Variants in UBR4 observed in about 807,000 individuals in gnomAD.
UBR4 encodes ubiquitin protein ligase E3 component n-recognin 4, also known as E3 ubiquitin-protein ligase UBR4.
Under a neutral mutation model 575.6 loss-of-function variants are expected in UBR4, and 124 were observed. The ratio of observed to expected loss-of-function variants is 0.22; its 90% CI spans 0.19 to 0.25. UBR4 has a LOEUF of 0.25. Among genes scored for constraint, UBR4 ranks in the 10% least tolerant of loss-of-function variants. UBR4 has a pLI of 1.00. For missense variants in UBR4, 4,818 were observed against 6,478.8 expected (o/e 0.74, Z 8.80); for synonymous variants, 2,455 against 2,473.7 (o/e 0.99, Z 0.22).
chr1:19,160,566 C>T (rs949240025), intron 38 of UBR4, among the ~76,000 whole-genome samples: 1 of 152,104 alleles, frequency 6.6e-6, no homozygotes, highest in African/African-American at 2.4e-5. Flanking sequence ...TTCTCTCTTA[C>T]GTTTCTAGAA....
At chr1:19,115,192 T>C (rs1211500794) in intron 74 of UBR4, among the ~76,000 whole-genome samples, 2 of 70,742 alleles carry the variant, frequency 2.8e-5, no homozygotes, top group East Asian at 1.8e-3. Flanking sequence ...CACACTCGTG[T>C]GCACATGCAC....
chr1:19,129,053 C>A lies in UBR4; in HGVS notation c.8928G>T (p.Met2976Ile), dbSNP rs1348469622. 1.9e-6 allele frequency: 3 copies of A among 1,613,922 alleles called. No homozygotes were observed. The African/African-American group carries it at 4.0e-5, about 22-fold the overall frequency. ...TSNRLHMVRL[M>I]LLERLLQTLP... ...GGGTCTGCAGTAATCTCTCCAACAG[C>A]ATTAGACGGACCATGTGCAGCCTAA... Residue 2976 changes from methionine to isoleucine, a missense_variant, in exon 61 of 106, where the codon ATG becomes ATT. Met to Ile is a conservative substitution (Grantham distance 10). This residue lies in a region of UBR4 where 87 missense variants were observed against 82.8 expected (regional missense o/e 1.05). Transcript: ENST00000375254.
At position 19,114,074 on chromosome 1, in the gene UBR4, G is replaced by A; in HGVS notation, c.11203-4C>T. The A allele has an allele frequency of 1.9e-6, 3 of 1,608,864 alleles. No individual in the cohort carries two copies. The highest frequency in any genetic ancestry group is 1.3e-5 in the African/African-American group (1 of 74,978). ...GTGTATTGATGTTGGATACAGCCTAGACAGGAAAAGACAGGGACTGAGTGA... is the reference window on the plus strand; with the variant it reads ...GTGTATTGATGTTGGATACAGCCTAAACAGGAAAAGACAGGGACTGAGTGA... On this transcript the variant is annotated splice_polypyrimidine_tract_variant and splice_region_variant and intron_variant, in intron 75 of 105. Coordinates refer to ENST00000375254, the MANE Select transcript of UBR4 (RefSeq NM_020765.3).
At chr1:19,149,853 C>A in intron 49 of UBR4, 1 of 1,266,300 alleles carries the variant, frequency 7.9e-7, no homozygotes, top group African/African-American at 1.6e-5. Flanking sequence ...TCAGAGAAAC[C>A]CGGAAACACA....
At position 19,165,711 on chromosome 1, in the gene UBR4, T is replaced by A; in HGVS notation, c.4156A>T (p.Lys1386Ter). ...ILEECLQYLEKQLESSQARKA... is the reference protein window; with the variant it reads ...ILEECLQYLE ...CGAGCCTGGCTACTTTCCAGCTGCTTTTCCAAGTACTGGAGACATTCCTCC... is the reference window on the plus strand; with the variant it reads ...CGAGCCTGGCTACTTTCCAGCTGCTATTCCAAGTACTGGAGACATTCCTCC... Residue 1386 changes from lysine (K) to a stop codon, truncating the protein, a stop_gained, in exon 30 of 106, where the codon AAG becomes TAG. Coordinates refer to ENST00000375254, the MANE Select transcript of UBR4 (RefSeq NM_020765.3). LOFTEE classifies it high-confidence loss of function. The A allele has an allele frequency of 6.2e-7, 1 of 1,614,180 alleles. No individual in the cohort carries two copies. Among genetic ancestry groups the A allele is most frequent in the Non-Finnish European group, 8.5e-7 (1 of 1,180,014 alleles).
rs2091662132 is a variant in UBR4 at position 19,187,519 on chromosome 1, G to C, written c.1416C>G (p.Leu472=). ...TGGCATGGTTTGCCAATATTACTGA[G>C]AGTACCCCAAATCCCTGATGCCTAC... The part of the protein sequence containing the change: ...PGKGHQGFGV[L]SVILANHAIK... Residue 472 remains leucine, a synonymous_variant, in exon 12 of 106, where the codon CTC becomes CTG. Transcript: ENST00000375254. The C allele has an allele frequency of 6.2e-7, 1 of 1,613,756 alleles. No individual in the cohort carries two copies. The highest frequency in any genetic ancestry group is 8.5e-7 in the Non-Finnish European group (1 of 1,180,000).
In UBR4 at chr1:19,197,217, A is replaced by G. The variant is rs778719658; in HGVS notation, c.942T>C (p.Ser314=). 36 of 1,614,098 alleles carry G rather than the reference A, an allele frequency of 2.2e-5. No homozygotes were observed. In the East Asian group the frequency reaches 7.6e-4, roughly 34 times the overall value. The change falls in exon 8 of 106, where the codon TCT becomes TCC. Residue 314 remains serine (S), a synonymous_variant. Transcript: ENST00000375254. ...GATTGAGAGGTTCCAACACAGGTAG[A>G]GAAAGGGTATCCAATGCCATAGTTA... ...IDVTMALDTL[S]LPVLEPLNPS... is the part of the protein sequence containing the mutation.
chr1:19,167,375 T>C, intron 28 of UBR4, 144 bp from the exon 29 acceptor site: 2 of 734,542 alleles, frequency 2.7e-6, no homozygotes, highest in South Asian at 3.5e-5. Flanking sequence ...TTTCCCATGA[T>C]AGCTATTTTA....
chr1:19,193,326 G>A (rs748759487), intron 9 of UBR4, 107 bp downstream of exon 9: 4 of 1,469,902 alleles, frequency 2.7e-6, no homozygotes, highest in Non-Finnish European at 3.7e-6. Context: ...GGAAAGTAGT[G>A]TGGAGAATAC....
In UBR4 at chr1:19,110,456, G is replaced by A. The variant is rs201769009; in HGVS notation, c.11901C>T (p.Ser3967=). The A allele has an allele frequency of 3.8e-5, 61 of 1,613,980 alleles. No individual in the cohort carries two copies. The highest frequency in any genetic ancestry group is 4.9e-5 in the Non-Finnish European group (58 of 1,180,012). The change falls in exon 80 of 106, where the codon AGC becomes AGT. Residue 3967 remains serine, a synonymous_variant. Transcript: ENST00000375254. This position sits in a 1 kb window ranked among gnomAD's most constrained non-coding sequence, Gnocchi z 4.5. ...GHWANPDLAS[S]LQYEMLLLTD... is the part of the protein sequence containing the mutation. ...TCAGCAGCAGCATTTCATACTGCAG[G>A]CTACTTGCCTAGAAGGCAATGGGAA...
Position 19,105,788 on chromosome 1 carries a change from C to T in UBR4, c.12448G>A (p.Glu4150Lys). The change falls in exon 84 of 106, where the codon GAA becomes AAA. Residue 4150 changes from glutamate (E) to lysine (K), a missense_variant. Coordinates refer to ENST00000375254, the MANE Select transcript of UBR4 (RefSeq NM_020765.3). The stretch of plus-strand genomic sequence containing the variant: ...CGGCTGGGAATGGTGGCTAGAGCTT[C>T]CACAATGGTACAGGCTGCCTGCCGT... Reference protein sequence around the residue: ...AARQAACTIVEALATIPSRKQ... With the variant: ...AARQAACTIVKALATIPSRKQ... The T allele has an allele frequency of 1.2e-6, 2 of 1,611,222 alleles. No homozygotes were observed. The highest frequency in any genetic ancestry group is 1.1e-5 in the South Asian group (1 of 90,648).
At chr1:19,149,680 A>T (rs1414747985) in intron 49 of UBR4, 1 of 1,187,804 alleles carries the variant, frequency 8.4e-7, no homozygotes. Context: ...CAGAAGCAGA[A>T]TCAATGCAAA....
chr1:19,134,086 T>TAAAAAAAA lies in UBR4; in HGVS notation c.8906+3913_8906+3920dup, dbSNP rs71030132. Among the ~76,000 whole-genome samples, 189 of 52,508 alleles carry TAAAAAAAA rather than the reference T, an allele frequency of 3.6e-3. 11 individuals carry two copies. In the East Asian group the frequency reaches 0.038, roughly 11 times the overall value. The allele number at this position is 52,508 out of a possible 152,430, so 34.4% of individuals were successfully genotyped here. A position where few individuals can be genotyped will look rare whatever the true frequency, so the allele number is the denominator to read the frequency against. On this transcript the variant is annotated intron_variant, in intron 60 of 105. Coordinates refer to ENST00000375254, the MANE Select transcript of UBR4 (RefSeq NM_020765.3). ...GGGCAAGAGAGTGAGACTCTGTCTC[T>TAAAAAAAA]AAAAAAAAAAAAAAAAAAAAAAAAA... is the stretch of plus-strand genomic sequence containing the variant.
rs2150298903 is a variant in UBR4, at chr1:19,152,072, C to T, written c.6997-213G>A. ...CAGGCTTCCTTCTCCCCAGTATTAACCACCTCTTTGATGTCCTCTACACAG... is the reference window on the plus strand; with the variant it reads ...CAGGCTTCCTTCTCCCCAGTATTAATCACCTCTTTGATGTCCTCTACACAG... On this transcript the variant is annotated intron_variant, in intron 47 of 105. Coordinates refer to ENST00000375254, the MANE Select transcript of UBR4 (RefSeq NM_020765.3). This position sits in a 1 kb window ranked among gnomAD's most constrained non-coding sequence, Gnocchi z 4.4. Among the ~76,000 whole-genome samples the T allele has an allele frequency of 6.6e-6, 1 of 152,342 alleles. No individual in the cohort carries two copies. Among genetic ancestry groups the T allele is most frequent in the Non-Finnish European group, 1.5e-5 (1 of 68,028 alleles).
chr1:19,097,046 T>C, intron 91 of UBR4, 147 bp downstream of exon 91: 1 of 594,092 alleles, frequency 1.7e-6, no homozygotes, highest in Non-Finnish European at 2.7e-6. Context: ...CAGACACCTC[T>C]TTTTTTCCTC....
intron 25 of UBR4, among the ~76,000 whole-genome samples, chr1:19,172,481 C>T (rs190762200): frequency 2.6e-5 from 4 of 152,160 alleles, no homozygotes; most frequent in Non-Finnish European, 4.4e-5. Flanking sequence ...CGCACCATTG[C>T]ACTCCAGCCT....
intron 73 of UBR4, among the ~76,000 whole-genome samples, chr1:19,116,897 C>G (rs1165448183): frequency 1.3e-5 from 2 of 152,314 alleles, no homozygotes; most frequent in East Asian, 3.9e-4. Flanking sequence ...AAGGTTTTAT[C>G]TAAGTCTAGA....
chr1:19,113,676 A>C (rs1335848013), intron 77 of UBR4, 23 bp downstream of exon 77: 1 of 1,613,600 alleles, frequency 6.2e-7, no homozygotes, highest in Admixed American at 1.7e-5. Flanking sequence ...AAACACACCC[A>C]AAAGCTGCTC....
rs779233866 is a variant in UBR4, at chr1:19,170,850, T to C, written c.3555A>G (p.Gly1185=). Residue 1185 remains glycine (G), a synonymous_variant, in exon 26 of 106, where the codon GGA becomes GGG. Transcript: ENST00000375254. ...TCTCCTTGGAAGGTTTCTCAGTTGT[T>C]CCCTCTTCATTAAAGTTTTGCAGCA... is the stretch of plus-strand genomic sequence containing the variant. The part of the protein sequence containing the change: ...AYLLQNFNEE[G]TTEKPSKEKL... The C allele has an allele frequency of 1.2e-6, 2 of 1,614,110 alleles. No homozygotes were observed. Among genetic ancestry groups the C allele is most frequent in the Admixed American group, 1.7e-5 (1 of 60,010 alleles).
Sources: gnomAD v4.1 joint callset for allele counts (sites outside exome capture counted in the v4.1 genomes callset) on GRCh38, gnomAD v4.1.1 for gene constraint, gnomAD v4.1.1 regional missense constraint, Gnocchi (gnomAD v3.1) non-coding constraint, MANE v1.5 for transcripts, NCBI Gene and HGNC (gene_info 2026-07-23, HGNC 2026-07-21) for gene names.